The following TENT4A variants were observed in gnomAD, a reference collection of about 807,000 sequenced individuals.
The protein encoded by TENT4A is DNA polymerase kappa.
A neutral mutation model predicts 72.8 loss-of-function variants in TENT4A; 7 were observed. The observed-to-expected ratio is 0.10, with a 90% CI of 0.05 to 0.18. TENT4A has a LOEUF of 0.18. Among genes scored for constraint, TENT4A ranks in the 10% least tolerant of loss-of-function variants. The pLI, the probability that TENT4A is intolerant of heterozygous loss-of-function variation, is 1.00. For synonymous variants in TENT4A, 456 were observed against 434.3 expected (o/e 1.05, Z -0.62); for missense variants, 831 against 1,017.7 (o/e 0.82, Z 2.50).
chr5:6,743,227 C>T (rs976877337), intron 5 of TENT4A, among the ~76,000 whole-genome samples: 4 of 152,278 alleles, frequency 2.6e-5, no homozygotes, highest in Non-Finnish European at 5.9e-5. Flanking sequence ...CAGGTTCCCC[C>T]TTCCCCCTTG....
At chr5:6,723,590 C>T (rs1740765351) in intron 1 of TENT4A, among the ~76,000 whole-genome samples, 5 of 152,240 alleles carry the variant, frequency 3.3e-5, no homozygotes, top group Non-Finnish European at 1.5e-5. Flanking sequence ...GGGCACTTTA[C>T]TCCTAACAGT....
chr5:6,731,662 T>A (rs1189337744), intron 1 of TENT4A, among the ~76,000 whole-genome samples: 1 of 152,022 alleles, frequency 6.6e-6, no homozygotes, highest in Non-Finnish European at 1.5e-5. Context: ...CACATCAGCC[T>A]CCTGACTAGC....
At chr5:6,752,816 G>A (rs534489887) in intron 11 of TENT4A, 57 bp from the exon 12 acceptor site, 21 of 1,523,378 alleles carry the variant, frequency 1.4e-5, no homozygotes, top group South Asian at 9.2e-5. Flanking sequence ...CTTAGAAGCC[G>A]GATGGTTTTC....
chr5:6,749,345 T>G (rs1561045225), intron 8 of TENT4A, among the ~76,000 whole-genome samples: 1 of 152,204 alleles, frequency 6.6e-6, no homozygotes, highest in Non-Finnish European at 1.5e-5. Flanking sequence ...TTCACAGTGG[T>G]CTTCTGTAGG....
intron 8 of TENT4A, among the ~76,000 whole-genome samples, chr5:6,749,118 G>A (rs1388951718): frequency 6.6e-6 from 1 of 152,192 alleles, no homozygotes; most frequent in Non-Finnish European, 1.5e-5. Context: ...AGGTTTCGAG[G>A]CCTGGCTCAG....
chr5:6,753,126 C>T, intron 12 of TENT4A, 89 bp downstream of exon 12: 1 of 1,266,900 alleles, frequency 7.9e-7, no homozygotes, highest in South Asian at 1.8e-5. Context: ...GAGAGAATTC[C>T]AGAGAGATCA....
intron 6 of TENT4A, among the ~76,000 whole-genome samples, chr5:6,745,412 A>C (rs943916613): frequency 2.6e-5 from 4 of 152,114 alleles, no homozygotes; most frequent in Admixed American, 6.5e-5. Flanking sequence ...TGTCCGATAG[A>C]ATTCTGTGAT....
At chr5:6,728,046 G>T (rs560616262) in intron 1 of TENT4A, among the ~76,000 whole-genome samples, 2 of 152,134 alleles carry the variant, frequency 1.3e-5, no homozygotes, top group African/African-American at 4.8e-5. Context: ...GTCCTTTCTC[G>T]AATAGTTGTT....
chr5:6,757,023 T>A lies in TENT4A; in HGVS notation c.*2078T>A, dbSNP rs895974007. 6.6e-6 allele frequency: 1 copy of A among 152,566 alleles called. No individual in the cohort carries two copies. The highest frequency in any genetic ancestry group is 2.4e-5 in the African/African-American group (1 of 41,470). 9.5% of individuals were successfully genotyped at this position (152,566 alleles called of 1,614,324 possible). On this transcript the variant is annotated 3_prime_UTR_variant, in exon 13 of 13. Coordinates refer to ENST00000230859, the MANE Select transcript of TENT4A (RefSeq NM_006999.6). ...ATGTAAAGTTTTTCTATTCTTTGAT[T>A]TTTAATAAACTTTGGAAACCAGTTT...
rs779101844 is a variant in TENT4A at position 6,746,234 on chromosome 5, C to T, written c.1266C>T (p.Ala422=). The T allele has an allele frequency of 1.2e-6, 2 of 1,614,134 alleles. No individual in the cohort carries two copies. The highest frequency in any genetic ancestry group is 1.7e-5 in the Admixed American group (1 of 60,022). ...SFLQLHPRID[A]RRADENLGML... The stretch of plus-strand genomic sequence containing the variant: ...TACAGTTGCATCCAAGAATTGATGC[C>T]CGGAGAGCTGATGAAAACCTTGGAA... Residue 422 remains alanine (A), a synonymous_variant, in exon 7 of 13, where the codon GCC becomes GCT. Coordinates refer to ENST00000230859, the MANE Select transcript of TENT4A (RefSeq NM_006999.6).
chr5:6,751,087 C>G lies in TENT4A; in HGVS notation c.1909C>G (p.Leu637Val). ...AACGCCCAGTGTTTACCAGTTCAGT[C>G]TGCAAGCGCCAGCTCCTCTCATGGC... is the stretch of plus-strand genomic sequence containing the variant. ...CTTPSVYQFS[L>V]QAPAPLMAGL... is the part of the protein sequence containing the mutation. Residue 637 changes from leucine (L) to valine (V), a missense_variant, in exon 11 of 13, where the codon CTG becomes GTG. Leu to Val is a conservative substitution (Grantham distance 32). Around this residue, in one of 3 missense-constraint regions of TENT4A, gnomAD observed 332 missense variants for 324.3 expected, o/e 1.02. Coordinates refer to ENST00000230859, the MANE Select transcript of TENT4A (RefSeq NM_006999.6). The G allele has an allele frequency of 1.9e-6, 3 of 1,614,240 alleles. No individual in the cohort carries two copies. The highest frequency in any genetic ancestry group is 2.5e-6 in the Non-Finnish European group (3 of 1,180,036).
rs554257160 is a variant in TENT4A, at chr5:6,723,125, C to T, written c.716+8426C>T. On this transcript the variant is annotated intron_variant, in intron 1 of 12. Transcript: ENST00000230859. ...ATACAACAGTAAAAGCTGTGTTACTCAGCAAGTTATCACTGTGAAAGCTCT... is the reference window on the plus strand; with the variant it reads ...ATACAACAGTAAAAGCTGTGTTACTTAGCAAGTTATCACTGTGAAAGCTCT... Among the ~76,000 whole-genome samples, 5 of 152,352 alleles carry T rather than the reference C, an allele frequency of 3.3e-5. No individual in the cohort carries two copies. The South Asian group carries it at 8.3e-4, about 25-fold the overall frequency.
chr5:6,718,068 G>GTGCA (rs1740472985), intron 1 of TENT4A, among the ~76,000 whole-genome samples: 1 of 152,218 alleles, frequency 6.6e-6, no homozygotes, highest in Non-Finnish European at 1.5e-5. Flanking sequence ...TGCCTGCAGT[G>GTGCA]TGCAGCAGGT....
chr5:6,726,822 A>G (rs779757182), intron 1 of TENT4A, among the ~76,000 whole-genome samples: 11 of 152,116 alleles, frequency 7.2e-5, no homozygotes, highest in Non-Finnish European at 1.0e-4. Context: ...CCTGCGCCCA[A>G]CTGCTGTCTC....
intron 1 of TENT4A, among the ~76,000 whole-genome samples, chr5:6,720,217 C>T (rs1053992390): frequency 6.6e-6 from 1 of 152,102 alleles, no homozygotes; most frequent in Non-Finnish European, 1.5e-5. Context: ...AACCTGCCTA[C>T]CTGAAGGTCA....
chr5:6,736,477 A>G (rs1286502036), intron 1 of TENT4A, among the ~76,000 whole-genome samples: 1 of 152,242 alleles, frequency 6.6e-6, no homozygotes, highest in African/African-American at 2.4e-5. Context: ...TTGATTTGTT[A>G]TAATTCCTAG....
chr5:6,726,696 C>T (rs1429276882), intron 1 of TENT4A, among the ~76,000 whole-genome samples: 1 of 152,150 alleles, frequency 6.6e-6, no homozygotes, highest in Non-Finnish European at 1.5e-5. Context: ...CTTCAGAACC[C>T]ACGTGCGTTG....
At position 6,714,601 on chromosome 5, in the gene TENT4A, C is replaced by G. The variant is rs1205114586; in HGVS notation, c.618C>G (p.Ser206Arg). ...TYGLNYLLSG[S>R]RAAALSGGGG... Reference sequence around the variant, plus strand: ...GCCTCAACTACCTGCTGTCCGGCAGCCGCGCGGCCGCTCTCAGCGGAGGGG... The same window carrying G: ...GCCTCAACTACCTGCTGTCCGGCAGGCGCGCGGCCGCTCTCAGCGGAGGGG... The change falls in exon 1 of 13, where the codon AGC (serine) becomes AGG (arginine). Residue 206 changes from serine to arginine, a missense_variant. Physicochemically the swap from Ser to Arg is moderately radical, Grantham distance 110. Around this residue, in one of 3 missense-constraint regions of TENT4A, gnomAD observed 302 missense variants for 293.8 expected, o/e 1.03. Coordinates refer to ENST00000230859, the MANE Select transcript of TENT4A (RefSeq NM_006999.6). The G allele has an allele frequency of 8.3e-7, 1 of 1,198,284 alleles. No homozygotes were observed. Among genetic ancestry groups the G allele is most frequent in the Non-Finnish European group, 1.0e-6 (1 of 966,274 alleles). 74.2% of individuals were successfully genotyped at this position (1,198,284 alleles called of 1,614,324 possible). A position where few individuals can be genotyped will look rare whatever the true frequency, so the allele number is the denominator to read the frequency against.
chr5:6,725,000 G>A (rs115323449), intron 1 of TENT4A, among the ~76,000 whole-genome samples: 2,933 of 152,344 alleles, frequency 0.019, 34 homozygotes, highest in Non-Finnish European at 0.03. Context: ...AGAGCAAAGC[G>A]AGAATTGTCC....
Sources: gnomAD v4.1 joint callset for allele counts (sites outside exome capture counted in the v4.1 genomes callset) on GRCh38, gnomAD v4.1.1 for gene constraint, gnomAD v4.1.1 regional missense constraint, MANE v1.5 for transcripts, NCBI Gene and HGNC (gene_info 2026-07-23, HGNC 2026-07-21) for gene names.